The following EPHA6 variants were observed in gnomAD, a reference collection of about 807,000 sequenced individuals.
EPHA6 encodes the protein ephrin type-A receptor 6.
EPHA6 carries 50 observed loss-of-function variants against 112.0 expected under a neutral mutation model. That is an observed-to-expected ratio of 0.45 (90% CI 0.36 to 0.56). EPHA6 has a LOEUF of 0.56. Ranked by LOEUF, EPHA6 falls within the 20% of genes least tolerant of loss-of-function variation. The pLI is 0.00. For synonymous variants in EPHA6, 529 were observed against 490.7 expected (o/e 1.08, Z -1.03); for missense variants, 1,280 against 1,417.4 (o/e 0.90, Z 1.56).
chr3:97,491,229 C>A (rs1202021673), intron 10 of EPHA6, among the ~76,000 whole-genome samples: 1 of 152,188 alleles, frequency 6.6e-6, no homozygotes, highest in Non-Finnish European at 1.5e-5. Context: ...TGCAGGCCAT[C>A]TTAAAAGTTT....
rs567346217 is a variant in EPHA6, at chr3:97,399,476, T to C, written c.1607-5674T>C. On this transcript the variant is annotated intron_variant, in intron 5 of 17. Coordinates refer to ENST00000389672, the MANE Select transcript of EPHA6 (RefSeq NM_001080448.3). The stretch of plus-strand genomic sequence containing the variant: ...CCAGTAGTAGGATATCTGGATCATA[T>C]GGTAGTTCTATTTTTAGTTTTTGAA... Among the ~76,000 whole-genome samples, 4 of 151,772 alleles carry C rather than the reference T, an allele frequency of 2.6e-5. No individual in the cohort carries two copies. In the South Asian group the frequency reaches 8.3e-4, roughly 31 times the overall value.
intron 3 of EPHA6, among the ~76,000 whole-genome samples, chr3:97,139,936 A>G (rs2075857496): frequency 6.6e-6 from 1 of 152,110 alleles, no homozygotes; most frequent in Non-Finnish European, 1.5e-5. Context: ...ATTTCCACAA[A>G]TGTGGAAAAC....
At position 97,135,660 on chromosome 3, in the gene EPHA6, T is replaced by G. The variant is rs939515562; in HGVS notation, c.1115-90604T>G. Reference sequence around the variant, plus strand: ...TCCTCTGTAACCTGTAATTCTACAGTGCGAACAAGTTTCCCGGTGATGCCC... The same window carrying G: ...TCCTCTGTAACCTGTAATTCTACAGGGCGAACAAGTTTCCCGGTGATGCCC... On this transcript the variant is annotated intron_variant, in intron 3 of 17. Coordinates refer to ENST00000389672, the MANE Select transcript of EPHA6 (RefSeq NM_001080448.3). Among the ~76,000 whole-genome samples, 5 of 151,674 alleles carry G rather than the reference T, an allele frequency of 3.3e-5. No homozygotes were observed. In the Admixed American group the frequency reaches 3.3e-4, roughly 10 times the overall value.
chr3:97,358,327 C>A (rs2084190915), intron 5 of EPHA6, among the ~76,000 whole-genome samples: 2 of 152,044 alleles, frequency 1.3e-5, no homozygotes, highest in African/African-American at 4.8e-5. Flanking sequence ...ACCAGCTTTC[C>A]TTCAATAACA....
intron 3 of EPHA6, among the ~76,000 whole-genome samples, chr3:97,098,883 C>A (rs1331694001): frequency 1.3e-5 from 2 of 151,800 alleles, no homozygotes; most frequent in African/African-American, 2.4e-5. Context: ...GTCAGCACTG[C>A]TATCAGAGTA....
At chr3:96,978,986 T>G (rs960318881) in intron 2 of EPHA6, among the ~76,000 whole-genome samples, 8 of 152,208 alleles carry the variant, frequency 5.3e-5, no homozygotes, top group African/African-American at 1.9e-4. Flanking sequence ...AATTAATTTT[T>G]TGTTGAACAT....
intron 1 of EPHA6, among the ~76,000 whole-genome samples, chr3:96,835,742 G>A (rs950371072): frequency 2.6e-5 from 4 of 151,984 alleles, no homozygotes; most frequent in Non-Finnish European, 5.9e-5. Flanking sequence ...ATTTATCTCT[G>A]TAAACAAGAC....
chr3:97,047,218 G>T (rs188141594), intron 3 of EPHA6, among the ~76,000 whole-genome samples: 2 of 151,716 alleles, frequency 1.3e-5, no homozygotes, highest in East Asian at 1.9e-4. Flanking sequence ...AAGAAACCAG[G>T]GGCCGGGCAC....
intron 12 of EPHA6, among the ~76,000 whole-genome samples, chr3:97,600,913 T>A (rs2093638270): frequency 1.3e-5 from 2 of 152,134 alleles, no homozygotes; most frequent in South Asian, 4.1e-4. Context: ...AAAAGAGCCT[T>A]TAAGTAATCT....
In EPHA6 at chr3:97,747,586, G is replaced by A. The variant is rs1353579157; in HGVS notation, c.3278+14G>A. The stretch of plus-strand genomic sequence containing the variant: ...AATGAGCATTGAGTAAGTGATACTA[G>A]GTTTATTACTGTAACGAGATGTCCT... On this transcript the variant is annotated intron_variant, in intron 17 of 17. Transcript: ENST00000389672. 6.3e-7 allele frequency: 1 copy of A among 1,585,646 alleles called. No individual in the cohort carries two copies. The highest frequency in any genetic ancestry group is 1.2e-5 in the South Asian group (1 of 86,050).
At chr3:97,122,153 A>G (rs1283513438) in intron 3 of EPHA6, among the ~76,000 whole-genome samples, 4 of 152,084 alleles carry the variant, frequency 2.6e-5, no homozygotes, top group African/African-American at 9.7e-5. Context: ...AATTACTATA[A>G]AATTCACACA....
chr3:96,839,195 G>T (rs2034589227), intron 1 of EPHA6, among the ~76,000 whole-genome samples: 1 of 152,094 alleles, frequency 6.6e-6, no homozygotes, highest in African/African-American at 2.4e-5. Flanking sequence ...ACTAGTTCAT[G>T]GCTTTCTAGG....
At chr3:97,449,973 C>T (rs141745484) in intron 7 of EPHA6, among the ~76,000 whole-genome samples, 122 of 152,050 alleles carry the variant, frequency 8.0e-4, no homozygotes, top group African/African-American at 2.8e-3. Flanking sequence ...TATCTAACTA[C>T]AAAGGGAGAA....
At chr3:97,107,784 A>G (rs576976007) in intron 3 of EPHA6, among the ~76,000 whole-genome samples, 8 of 152,164 alleles carry the variant, frequency 5.3e-5, no homozygotes, top group Non-Finnish European at 1.0e-4. Flanking sequence ...AGCATATGCC[A>G]CATTATTTAT....
At chr3:97,719,098 C>G (rs1175349184) in intron 14 of EPHA6, among the ~76,000 whole-genome samples, 1 of 115,974 alleles carries the variant, frequency 8.6e-6, no homozygotes. Flanking sequence ...ACCCCCCCCC[C>G]CACCCCCCCC....
intron 5 of EPHA6, among the ~76,000 whole-genome samples, chr3:97,315,311 G>A (rs987465949): frequency 6.6e-6 from 1 of 151,660 alleles, no homozygotes; most frequent in African/African-American, 2.4e-5. Flanking sequence ...TAAAGGAACA[G>A]AAAAGACTGC....
chr3:97,396,406 T>C (rs1045542958), intron 5 of EPHA6, among the ~76,000 whole-genome samples: 2 of 150,600 alleles, frequency 1.3e-5, no homozygotes, highest in African/African-American at 4.9e-5. Flanking sequence ...TCATAAGTAT[T>C]GAATTTTCAA....
At chr3:97,030,374 G>A (rs1418674126) in intron 3 of EPHA6, among the ~76,000 whole-genome samples, 1 of 151,988 alleles carries the variant, frequency 6.6e-6, no homozygotes, top group Admixed American at 6.6e-5. Flanking sequence ...AGGACATGAG[G>A]TACACTCTAC....
intron 14 of EPHA6, among the ~76,000 whole-genome samples, chr3:97,649,231 T>A (rs1453140552): frequency 6.6e-6 from 1 of 152,070 alleles, no homozygotes; most frequent in East Asian, 1.9e-4. Flanking sequence ...TCTTACATGG[T>A]GACAGGCAAG....
Sources: gnomAD v4.1 joint callset for allele counts (sites outside exome capture counted in the v4.1 genomes callset) on GRCh38, gnomAD v4.1.1 for gene constraint, MANE v1.5 for transcripts, NCBI Gene and HGNC (gene_info 2026-07-23, HGNC 2026-07-21) for gene names.